ORMDL2: variants seen among roughly 807,000 people sequenced by gnomAD.
The protein encoded by ORMDL2 is ORMDL sphingolipid biosynthesis regulator 2, also known as ORM1-like protein 2.
Under a neutral mutation model 13.5 loss-of-function variants are expected in ORMDL2, and 11 were observed. The ratio of observed to expected loss-of-function variants is 0.82; its 90% confidence interval spans 0.51 to 1.35. ORMDL2 has a LOEUF of 1.35. Ranked by LOEUF, ORMDL2 falls within the 40% of genes most tolerant of loss-of-function variation. The pLI, the probability that ORMDL2 is intolerant of heterozygous loss-of-function variation, is 0.00. For synonymous variants in ORMDL2, 73 were observed against 76.5 expected (o/e 0.95, Z 0.24); for missense variants, 160 against 191.1 (o/e 0.84, Z 0.96).
chr12:55,819,994 G>T (rs1448378754), intron 3 of ORMDL2, among the ~76,000 whole-genome samples: 1 of 152,154 alleles, frequency 6.6e-6, no homozygotes, highest in Non-Finnish European at 1.5e-5. Flanking sequence ...AGATAATCTA[G>T]AACTATATAC....
intron 2 of ORMDL2, 71 bp downstream of exon 2, chr12:55,819,244 TG>T: frequency 6.3e-7 from 1 of 1,587,668 alleles, no homozygotes; most frequent in Admixed American, 1.7e-5. Flanking sequence ...AATCACCAAT[TG>T]TTTGGGGATT....
In ORMDL2 at chr12:55,818,113, G is replaced by A. The variant is rs1880562467; in HGVS notation, c.-2+1G>A. 1 of 483,222 alleles carries A rather than the reference G, an allele frequency of 2.1e-6. No homozygotes were observed. The highest frequency in any genetic ancestry group is 4.1e-6 in the Non-Finnish European group (1 of 245,508). 29.9% of individuals were successfully genotyped at this position (483,222 alleles called of 1,614,324 possible). A position where few individuals can be genotyped will look rare whatever the true frequency, so the allele number is the denominator to read the frequency against. ...GCCGGACGGGGATCTGAGCTGGCAG[G>A]TAGGAGCTGCAAAGACTGTAAGGGT... On this transcript the variant is annotated splice_donor_variant, in intron 1 of 3. Coordinates refer to ENST00000243045, the MANE Select transcript of ORMDL2 (RefSeq NM_014182.5). LOFTEE classifies it low-confidence loss of function (5UTR_SPLICE).
Position 55,819,405 on chromosome 12 carries a change from G to C in ORMDL2, c.238G>C (p.Ala80Pro), listed in dbSNP as rs1308144383. The C allele has an allele frequency of 1.2e-6, 2 of 1,613,958 alleles. No homozygotes were observed. Among genetic ancestry groups the C allele is most frequent in the Non-Finnish European group, 1.7e-6 (2 of 1,180,018 alleles). ...CTTTGAGACTCCTGACCAAGGAAAG[G>C]CTCGGCTACTGACACACTGGGAGCA... ...TPFETPDQGKARLLTHWEQMD... is the reference protein window; with the variant it reads ...TPFETPDQGKPRLLTHWEQMD... Residue 80 changes from alanine (A) to proline (P), a missense_variant, in exon 3 of 4, where the codon GCT becomes CCT. Coordinates refer to ENST00000243045, the MANE Select transcript of ORMDL2 (RefSeq NM_014182.5).
At chr12:55,818,622 T>C (rs1488508978) in intron 1 of ORMDL2, 1 of 209,862 alleles carries the variant, frequency 4.8e-6, no homozygotes, top group Non-Finnish European at 9.8e-6. Context: ...TCTTTGATGA[T>C]TCCATGACTT....
Position 55,818,082 on chromosome 12 carries a change from C to T in ORMDL2, c.-32C>T, listed in dbSNP as rs1880560625. On this transcript the variant is annotated 5_prime_UTR_variant, in exon 1 of 4. Coordinates refer to ENST00000243045, the MANE Select transcript of ORMDL2 (RefSeq NM_014182.5). ...TTCAGGTGTGGTAGCCGGCGCCGCG[C>T]CCATAGCCGGACGGGGATCTGAGCT... 3.9e-6 allele frequency: 2 copies of T among 513,384 alleles called. No homozygotes were observed. Among genetic ancestry groups the T allele is most frequent in the African/African-American group, 1.9e-5 (1 of 52,338 alleles). The allele number at this position is 513,384 out of a possible 1,614,324, so 31.8% of individuals were successfully genotyped here. A position where few individuals can be genotyped will look rare whatever the true frequency, so the allele number is the denominator to read the frequency against.
In ORMDL2 at chr12:55,821,877, T is replaced by C; in HGVS notation, c.*1482T>C. ...TCTCAAAAAATAAAAAGAAAAAGAT[T>C]CAGTTCCTAGGTGTTGGGGGAGGAG... is the stretch of plus-strand genomic sequence containing the variant. On this transcript the variant is annotated 3_prime_UTR_variant, in exon 4 of 4. Transcript: ENST00000243045. The C allele has an allele frequency of 7.9e-7, 1 of 1,259,846 alleles. No homozygotes were observed. The highest frequency in any genetic ancestry group is 1.5e-5 in the African/African-American group (1 of 65,750). The allele number at this position is 1,259,846 out of a possible 1,614,324, so 78.0% of individuals were successfully genotyped here.
chr12:55,819,078 ATC>A lies in ORMDL2; in HGVS notation c.80_81del (p.Ile27AsnfsTer30), dbSNP rs1325406202. 6.2e-7 allele frequency: 1 copy of A among 1,614,068 alleles called. No individual in the cohort carries two copies. The highest frequency in any genetic ancestry group is 8.5e-7 in the Non-Finnish European group (1 of 1,179,950). ...MNSRGIWLAY[I>X]ILVGLLHMVL... is the part of the protein sequence containing the mutation. ...TAGCCGAGGCATCTGGCTGGCCTAC[ATC>A]ATCTTGGTAGGATTGCTGCATATGG... On this transcript the variant is annotated frameshift_variant, in exon 2 of 4. Transcript: ENST00000243045. LOFTEE classifies it high-confidence loss of function.
chr12:55,819,156 A>C lies in ORMDL2; in HGVS notation c.157A>C (p.Asn53His), dbSNP rs182538760. 1,349 of 1,614,040 alleles carry C rather than the reference A, an allele frequency of 8.4e-4. 22 individuals carry two copies. The Admixed American group carries it at 0.016, about 19-fold the overall frequency. The change falls in exon 2 of 4, where the codon AAC (asparagine) becomes CAC (histidine). Residue 53 changes from asparagine to histidine, a missense_variant. Asn to His is a moderately conservative substitution (Grantham distance 68, BLOSUM62 1). Transcript: ENST00000243045. ...FSIPVVWTLT[N>H]VIHNLATYVF... ...CATTCCTGTTGTCTGGACCCTGACC[A>C]ACGTCATCCATAACCTGGTGAGCAC...
Position 55,818,088 on chromosome 12 carries a change from G to C in ORMDL2, c.-26G>C, listed in dbSNP as rs1000878438. On this transcript the variant is annotated 5_prime_UTR_variant, in exon 1 of 4. Coordinates refer to ENST00000243045, the MANE Select transcript of ORMDL2 (RefSeq NM_014182.5). ...TGTGGTAGCCGGCGCCGCGCCCATA[G>C]CCGGACGGGGATCTGAGCTGGCAGG... is the stretch of plus-strand genomic sequence containing the variant. 1 of 504,342 alleles carries C rather than the reference G, an allele frequency of 2.0e-6. No homozygotes were observed. The allele number at this position is 504,342 out of a possible 1,614,324, so 31.2% of individuals were successfully genotyped here. A position where few individuals can be genotyped will look rare whatever the true frequency, so the allele number is the denominator to read the frequency against.
At position 55,818,073 on chromosome 12, in the gene ORMDL2, G is replaced by C. The variant is rs896686378; in HGVS notation, c.-41G>C. 1.9e-6 allele frequency: 1 copy of C among 523,410 alleles called. No individual in the cohort carries two copies. Among genetic ancestry groups the C allele is most frequent in the Non-Finnish European group, 3.7e-6 (1 of 271,598 alleles). 32.4% of individuals were successfully genotyped at this position (523,410 alleles called of 1,614,324 possible). A position where few individuals can be genotyped will look rare whatever the true frequency, so the allele number is the denominator to read the frequency against. ...CCTGGAGACTTCAGGTGTGGTAGCC[G>C]GCGCCGCGCCCATAGCCGGACGGGG... On this transcript the variant is annotated 5_prime_UTR_variant, in exon 1 of 4. Coordinates refer to ENST00000243045, the MANE Select transcript of ORMDL2 (RefSeq NM_014182.5).
rs970404042 is a variant in ORMDL2 at position 55,819,562 on chromosome 12, T to C, written c.326+69T>C. 2.8e-5 allele frequency: 40 copies of C among 1,424,858 alleles called. No homozygotes were observed. The South Asian group carries it at 2.9e-4, about 10-fold the overall frequency. The allele number at this position is 1,424,858 out of a possible 1,614,324, so 88.3% of individuals were successfully genotyped here. A position where few individuals can be genotyped will look rare whatever the true frequency, so the allele number is the denominator to read the frequency against. On this transcript the variant is annotated intron_variant, in intron 3 of 3. Coordinates refer to ENST00000243045, the MANE Select transcript of ORMDL2 (RefSeq NM_014182.5). ...TCCAAGAGCCAGGTAGAAAGGCCCA[T>C]AGGGAAGCTGTTAAAAAGCAGACTT...
rs576912858 is a variant in ORMDL2 at position 55,821,090 on chromosome 12, G to A, written c.*695G>A. ...AAAAATACAAACCCTTGGATCACAT[G>A]GGGGCTTCTGGGAACCCCCGTATTC... is the stretch of plus-strand genomic sequence containing the variant. On this transcript the variant is annotated 3_prime_UTR_variant, in exon 4 of 4. Coordinates refer to ENST00000243045, the MANE Select transcript of ORMDL2 (RefSeq NM_014182.5). 1.3e-5 allele frequency: 2 copies of A among 152,698 alleles called. No homozygotes were observed. The highest frequency in any genetic ancestry group is 1.9e-4 in the East Asian group (1 of 5,192). 9.5% of individuals were successfully genotyped at this position (152,698 alleles called of 1,614,324 possible).
At position 55,820,440 on chromosome 12, in the gene ORMDL2, A is replaced by C. The variant is rs768474178; in HGVS notation, c.*45A>C. ...CTCCATGGGCATGGGGAAGGCACTG[A>C]AACAGAGGACTATAAAACATCCTTC... On this transcript the variant is annotated 3_prime_UTR_variant, in exon 4 of 4. Transcript: ENST00000243045. 6.2e-7 allele frequency: 1 copy of C among 1,603,928 alleles called. No individual in the cohort carries two copies. Among genetic ancestry groups the C allele is most frequent in the Non-Finnish European group, 8.5e-7 (1 of 1,170,686 alleles).
intron 1 of ORMDL2, 184 bp downstream of exon 1, chr12:55,818,296 G>A (rs556151506): frequency 1.5e-4 from 50 of 327,930 alleles, no homozygotes; most frequent in African/African-American, 1.0e-3. Context: ...CGGTGGGGCT[G>A]GGGCGGGCAA....
At chr12:55,819,531 A>G in intron 3 of ORMDL2, 38 bp downstream of exon 3, 6 of 1,583,110 alleles carry the variant, frequency 3.8e-6, no homozygotes, top group Non-Finnish European at 5.2e-6. Context: ...CTGGGTTAGA[A>G]AGAGCTCCAA....
Position 55,821,837 on chromosome 12 carries a change from C to CA in ORMDL2, c.*1443dup, listed in dbSNP as rs1880673574. Reference sequence around the variant, plus strand: ...ACACCACTGCACTCCAGCTGGGCAACAGAGCAAGACTCCATCTCAAAAAAT... The same window carrying CA: ...ACACCACTGCACTCCAGCTGGGCAACAAGAGCAAGACTCCATCTCAAAAAAT... On this transcript the variant is annotated 3_prime_UTR_variant, in exon 4 of 4. Transcript: ENST00000243045. 2 of 936,198 alleles carry CA rather than the reference C, an allele frequency of 2.1e-6. No homozygotes were observed. Among genetic ancestry groups the CA allele is most frequent in the African/African-American group, 3.4e-5 (2 of 59,212 alleles). The allele number at this position is 936,198 out of a possible 1,614,324, so 58.0% of individuals were successfully genotyped here. A position where few individuals can be genotyped will look rare whatever the true frequency, so the allele number is the denominator to read the frequency against.
rs1489253480 is a variant in ORMDL2, at chr12:55,818,080, C to G, written c.-34C>G. ...ACTTCAGGTGTGGTAGCCGGCGCCG[C>G]GCCCATAGCCGGACGGGGATCTGAG... On this transcript the variant is annotated 5_prime_UTR_variant, in exon 1 of 4. Coordinates refer to ENST00000243045, the MANE Select transcript of ORMDL2 (RefSeq NM_014182.5). 2.0e-6 allele frequency: 1 copy of G among 512,770 alleles called. No homozygotes were observed. The highest frequency in any genetic ancestry group is 5.4e-5 in the East Asian group (1 of 18,510). 31.8% of individuals were successfully genotyped at this position (512,770 alleles called of 1,614,324 possible).
At position 55,818,809 on chromosome 12, in the gene ORMDL2, G is replaced by C. The variant is rs1592589808; in HGVS notation, c.-1-190G>C. ...ATAATGACTATGTCTCTGAAATGTA[G>C]TGAGGACTCTTCTTGTCTTTTAAAG... On this transcript the variant is annotated intron_variant, in intron 1 of 3. Transcript: ENST00000243045. 5.2e-6 allele frequency: 3 copies of C among 581,070 alleles called. No individual in the cohort carries two copies. In the East Asian group the frequency reaches 8.3e-5, roughly 16 times the overall value. The allele number at this position is 581,070 out of a possible 1,614,324, so 36.0% of individuals were successfully genotyped here.
chr12:55,820,218 GAGA>G (rs1172513385), intron 3 of ORMDL2, 39 bp from the exon 4 acceptor site: 36 of 1,572,134 alleles, frequency 2.3e-5, no homozygotes, highest in Non-Finnish European at 3.1e-5. Flanking sequence ...AATATGGATA[GAGA>G]AGGTCAACCT....
Sources: allele counts gnomAD v4.1 joint callset (sites outside exome capture counted in the v4.1 genomes callset), GRCh38; gene constraint gnomAD v4.1.1; transcripts MANE v1.5; gene names NCBI Gene and HGNC (gene_info 2026-07-23, HGNC 2026-07-21).